Variants in LRRC7 observed in about 807,000 individuals in gnomAD.
LRRC7 encodes the protein leucine rich repeat containing 7.
LRRC7 carries 23 observed loss-of-function variants against 175.7 expected under a neutral mutation model. The observed-to-expected ratio is 0.13, with a 90% CI of 0.09 to 0.19. LRRC7 has a LOEUF of 0.19. Among genes scored for constraint, LRRC7 ranks in the 10% least tolerant of loss-of-function variants. The probability of loss-of-function intolerance (pLI) is 1.00; values close to 1 mark genes in which losing one functional copy is unlikely to be tolerated. For synonymous variants in LRRC7, 685 were observed against 680.9 expected, an observed-to-expected ratio of 1.01 and a Z score of -0.09; for missense variants, 1,354 against 1,904.7, an observed-to-expected ratio of 0.71 and a Z score of 5.38.
In LRRC7 at chr1:69,906,867, C is replaced by T. The variant is rs149751793; in HGVS notation, c.648-24640C>T. The stretch of plus-strand genomic sequence containing the variant: ...ACCTTGCGCAATATGGCCATATTCA[C>T]GATATTGATTCTTCCTACCTATGAG... On this transcript the variant is annotated intron_variant, in intron 7 of 26. Coordinates refer to ENST00000651989, the MANE Select transcript of LRRC7 (RefSeq NM_001370785.2). 9.5e-3 allele frequency among the ~76,000 whole-genome samples: 1,444 copies of T among 152,170 alleles called. 15 individuals carry two copies. The highest frequency in any genetic ancestry group is 0.033 in the African/African-American group (1,355 of 41,502).
chr1:69,940,361 C>T (rs182605970), intron 8 of LRRC7, among the ~76,000 whole-genome samples: 6 of 152,094 alleles, frequency 3.9e-5, no homozygotes, highest in African/African-American at 9.6e-5. Flanking sequence ...CCCTCGTTGC[C>T]GTTTCTCATT....
chr1:70,002,277 C>A (rs748590421), intron 11 of LRRC7, among the ~76,000 whole-genome samples: 2 of 152,128 alleles, frequency 1.3e-5, no homozygotes, highest in Non-Finnish European at 2.9e-5. Context: ...AGATAAATCC[C>A]TTCTTCTCTA....
At chr1:69,882,894 G>C (rs374933572) in intron 7 of LRRC7, among the ~76,000 whole-genome samples, 4,297 of 151,564 alleles carry the variant, frequency 0.028, 89 homozygotes, top group Non-Finnish European at 0.041. Context: ...ATAGTTTACT[G>C]AGAATGATGA....
At position 70,126,808 on chromosome 1, in the gene LRRC7, G is replaced by C. The variant is rs183067625; in HGVS notation, c.*4921G>C. 6.6e-6 allele frequency among the ~76,000 whole-genome samples: 1 copy of C among 152,290 alleles called. No individual in the cohort carries two copies. The highest frequency in any genetic ancestry group is 2.4e-5 in the African/African-American group (1 of 41,572). ...TACAAACTAAGGTAGATGCAATCAA[G>C]TTTTCCAGTCATATCCTGAACCTTC... is the stretch of plus-strand genomic sequence containing the variant. On this transcript the variant is annotated 3_prime_UTR_variant, in exon 27 of 27. Transcript: ENST00000651989.
intron 7 of LRRC7, among the ~76,000 whole-genome samples, chr1:69,890,045 G>T (rs1042596346): frequency 6.6e-6 from 1 of 152,076 alleles, no homozygotes; most frequent in Non-Finnish European, 1.5e-5. Context: ...CATGAGGGTT[G>T]GAATCAATTT....
In LRRC7 at chr1:70,132,008, T is replaced by C. The variant is rs1558094302; in HGVS notation, c.*10121T>C. Among the ~76,000 whole-genome samples, 1 of 151,854 alleles carries C rather than the reference T, an allele frequency of 6.6e-6. No homozygotes were observed. The highest frequency in any genetic ancestry group is 1.5e-5 in the Non-Finnish European group (1 of 67,972). ...GACTAGGGCTGGGAAAGAGGGGAAT[T>C]AATAAGTTATTAAGGAAGAAAGAAT... is the stretch of plus-strand genomic sequence containing the variant. On this transcript the variant is annotated 3_prime_UTR_variant, in exon 27 of 27. Transcript: ENST00000651989.
chr1:70,142,857 G>T lies in LRRC7; in HGVS notation c.*20970G>T, dbSNP rs149876871. The T allele has an allele frequency of 1.4e-3, 217 of 152,072 alleles. No homozygotes were observed. The highest frequency in any genetic ancestry group is 5.0e-3 in the African/African-American group (209 of 41,504). 9.4% of individuals were successfully genotyped at this position (152,072 alleles called of 1,614,324 possible). A position where few individuals can be genotyped will look rare whatever the true frequency, so the allele number is the denominator to read the frequency against. ...ACAGTGGTAGGTTTTCAGATGGTTT[G>T]TTAAGAATTATATGTAAAAGGATAC... On this transcript the variant is annotated 3_prime_UTR_variant, in exon 27 of 27. Transcript: ENST00000651989.
At chr1:69,877,234 G>A (rs1686121726) in intron 7 of LRRC7, among the ~76,000 whole-genome samples, 2 of 152,264 alleles carry the variant, frequency 1.3e-5, no homozygotes, top group African/African-American at 4.8e-5. Flanking sequence ...AGATTTGTAA[G>A]TGATGGGATA....
At chr1:69,723,369 G>T (rs1038010203) in intron 2 of LRRC7, among the ~76,000 whole-genome samples, 3 of 152,012 alleles carry the variant, frequency 2.0e-5, no homozygotes, top group Non-Finnish European at 4.4e-5. Context: ...ACCTTCATTT[G>T]AGACTTAACA....
intron 7 of LRRC7, chr1:69,919,280 CTAGATACAT>C: frequency 2.0e-6 from 1 of 507,284 alleles, no homozygotes; most frequent in South Asian, 2.6e-5. Context: ...AATGTATTTG[CTAGATACAT>C]TAGCAAATAA....
intron 7 of LRRC7, among the ~76,000 whole-genome samples, chr1:69,873,037 G>A (rs758211447): frequency 2.0e-5 from 3 of 152,068 alleles, no homozygotes; most frequent in Non-Finnish European, 2.9e-5. Flanking sequence ...ATATCAATGT[G>A]TCCATTTCTA....
intron 1 of LRRC7, among the ~76,000 whole-genome samples, chr1:69,658,950 C>T (rs1657039593): frequency 6.6e-6 from 1 of 151,822 alleles, no homozygotes; most frequent in Admixed American, 6.6e-5. Context: ...CCATTTTTGC[C>T]TCCATGTCTA....
chr1:69,793,752 G>A (rs1302390110), intron 4 of LRRC7, among the ~76,000 whole-genome samples: 1 of 150,692 alleles, frequency 6.6e-6, no homozygotes, highest in Non-Finnish European at 1.5e-5. Context: ...TTGTTCTTTT[G>A]TTTACTGCTG....
rs138831742 is a variant in LRRC7, at chr1:69,582,557, C to T, written c.2+13916C>T. Among the ~76,000 whole-genome samples, 8 of 152,318 alleles carry T rather than the reference C, an allele frequency of 5.3e-5. No individual in the cohort carries two copies. The East Asian group carries it at 1.5e-3, about 29-fold the overall frequency. On this transcript the variant is annotated intron_variant, in intron 1 of 26. Coordinates refer to ENST00000651989, the MANE Select transcript of LRRC7 (RefSeq NM_001370785.2). ...GCAGTCCTTTGGCCAAAACAAGTCA[C>T]ATAACCAAGCCTGGCATGGCAAGGG...
At chr1:69,798,914 A>G (rs913499336) in intron 4 of LRRC7, among the ~76,000 whole-genome samples, 1 of 152,148 alleles carries the variant, frequency 6.6e-6, no homozygotes, top group Non-Finnish European at 1.5e-5. Flanking sequence ...AGATGGCTAT[A>G]TAAGAGTAGC....
In LRRC7 at chr1:69,793,381, AG is replaced by A. The variant is rs1284255686; in HGVS notation, c.421+1222del. 2.6e-5 allele frequency among the ~76,000 whole-genome samples: 4 copies of A among 152,232 alleles called. No homozygotes were observed. The South Asian group carries it at 6.2e-4, about 24-fold the overall frequency. On this transcript the variant is annotated intron_variant, in intron 4 of 26. Coordinates refer to ENST00000651989, the MANE Select transcript of LRRC7 (RefSeq NM_001370785.2). ...AGGATCTGTTTTGTGAAAGGCCATC[AG>A]AAAAATATCTTGGTCACATGTAAAT...
chr1:69,800,076 T>G (rs940431310), intron 4 of LRRC7, among the ~76,000 whole-genome samples: 2 of 151,966 alleles, frequency 1.3e-5, no homozygotes, highest in African/African-American at 4.8e-5. Context: ...TCTCTGACTT[T>G]TCGATTCTAT....
At chr1:69,924,568 A>G (rs1646999077) in intron 7 of LRRC7, among the ~76,000 whole-genome samples, 3 of 152,102 alleles carry the variant, frequency 2.0e-5, no homozygotes, top group African/African-American at 7.2e-5. Context: ...GCAATTGTGA[A>G]TGGGAGTTCA....
At chr1:69,795,048 A>G (rs1159785756) in intron 4 of LRRC7, among the ~76,000 whole-genome samples, 1 of 152,244 alleles carries the variant, frequency 6.6e-6, no homozygotes, top group Non-Finnish European at 1.5e-5. Flanking sequence ...ACAAACAGTA[A>G]GATTTCATCA....
Sources: gnomAD v4.1 joint callset for allele counts (sites outside exome capture counted in the v4.1 genomes callset) on GRCh38, gnomAD v4.1.1 for gene constraint, MANE v1.5 for transcripts, NCBI Gene and HGNC (gene_info 2026-07-23, HGNC 2026-07-21) for gene names.